The following KHDRBS2 variants were observed in gnomAD, a reference collection of about 807,000 sequenced individuals.
KHDRBS2 encodes KH RNA binding domain containing, signal transduction associated 2.
Under a neutral mutation model 44.3 loss-of-function variants are expected in KHDRBS2, and 26 were observed. That is an observed-to-expected ratio of 0.59 (90% CI 0.43 to 0.81). The LOEUF is 0.81. Ranked by LOEUF, KHDRBS2 falls within the 40% of genes least tolerant of loss-of-function variation. The pLI, the probability that KHDRBS2 is intolerant of heterozygous loss-of-function variation, is 0.00. For synonymous variants in KHDRBS2, 194 were observed against 151.1 expected (o/e 1.28, Z -2.08); for missense variants, 476 against 433.1 (o/e 1.10, Z -0.88).
the KHDRBS2 span, among the ~76,000 whole-genome samples, chr6:61,671,151 G>T: frequency 6.6e-6 from 1 of 151,658 alleles, no homozygotes; most frequent in African/African-American, 2.4e-5. Context: ...TGAGACAGAA[G>T]AGAGGGAAAA....
intron 1 of KHDRBS2, among the ~76,000 whole-genome samples, chr6:62,206,391 T>A (rs1366159054): frequency 6.6e-6 from 1 of 152,086 alleles, no homozygotes; most frequent in Non-Finnish European, 1.5e-5. Context: ...ATTGATTGAA[T>A]CCATTGATTG....
intron 1 of KHDRBS2, among the ~76,000 whole-genome samples, chr6:62,251,228 C>T (rs999045903): frequency 4.6e-5 from 7 of 151,674 alleles, no homozygotes; most frequent in African/African-American, 1.7e-4. Context: ...AGGAAAAGAA[C>T]ATGCTCTTCC....
chr6:62,050,950 C>G (rs1788887733), intron 2 of KHDRBS2, among the ~76,000 whole-genome samples: 1 of 151,998 alleles, frequency 6.6e-6, no homozygotes, highest in Non-Finnish European at 1.5e-5. Flanking sequence ...AGAAACTAGC[C>G]ACTGATTGAC....
In KHDRBS2 at chr6:61,737,662, G is replaced by A. The variant is rs1360283752; in HGVS notation, c.811-4898C>T. On this transcript the variant is annotated intron_variant, in intron 6 of 8. Coordinates refer to ENST00000281156, the MANE Select transcript of KHDRBS2 (RefSeq NM_152688.4). ...CTGAAGAAGTGAGAAAAAAGCAAGAGTGTTCTAGCAGCTAGGGTAGGGAGA... is the reference window on the plus strand; with the variant it reads ...CTGAAGAAGTGAGAAAAAAGCAAGAATGTTCTAGCAGCTAGGGTAGGGAGA... 2.0e-5 allele frequency among the ~76,000 whole-genome samples: 3 copies of A among 151,988 alleles called. No individual in the cohort carries two copies. The East Asian group carries it at 5.8e-4, about 29-fold the overall frequency.
chr6:62,063,616 G>C (rs1165061282), intron 2 of KHDRBS2, among the ~76,000 whole-genome samples: 2 of 151,058 alleles, frequency 1.3e-5, no homozygotes, highest in African/African-American at 4.9e-5. Context: ...ATTAGGTATT[G>C]ATGGGATGTA....
intron 7 of KHDRBS2, among the ~76,000 whole-genome samples, chr6:61,706,557 T>C (rs1769596115): frequency 6.6e-6 from 1 of 151,774 alleles, no homozygotes; most frequent in Non-Finnish European, 1.5e-5. Context: ...TCTCTTTTAC[T>C]ACTTCTCATG....
intron 1 of KHDRBS2, among the ~76,000 whole-genome samples, chr6:62,255,150 C>G (rs1837156378): frequency 6.6e-6 from 1 of 151,934 alleles, no homozygotes; most frequent in Non-Finnish European, 1.5e-5. Context: ...ACAAATAGAT[C>G]ATCTTCCCAA....
chr6:62,246,124 A>ATATATATC (rs1554500942), intron 1 of KHDRBS2, among the ~76,000 whole-genome samples: 18 of 145,300 alleles, frequency 1.2e-4, no homozygotes, highest in African/African-American at 4.5e-4. Context: ...ATATATATAT[A>ATATATATC]TATATATATA....
At chr6:61,777,325 CAA>C (rs1782233432) in intron 6 of KHDRBS2, among the ~76,000 whole-genome samples, 2 of 151,888 alleles carry the variant, frequency 1.3e-5, no homozygotes, top group South Asian at 4.2e-4. Flanking sequence ...CTGGGTCTAA[CAA>C]AATACAAATT....
intron 2 of KHDRBS2, among the ~76,000 whole-genome samples, chr6:62,113,791 C>T (rs1805575679): frequency 6.6e-6 from 1 of 152,046 alleles, no homozygotes; most frequent in South Asian, 2.1e-4. Context: ...AAATCTCAAA[C>T]TCTAACATTA....
At chr6:61,891,982 G>T (rs1021904579) in intron 6 of KHDRBS2, among the ~76,000 whole-genome samples, 6 of 152,162 alleles carry the variant, frequency 3.9e-5, no homozygotes, top group African/African-American at 1.4e-4. Context: ...CAGATGACAT[G>T]ATTGTATATC....
intron 2 of KHDRBS2, among the ~76,000 whole-genome samples, chr6:62,171,596 C>T (rs1374073748): frequency 2.0e-5 from 3 of 152,004 alleles, no homozygotes; most frequent in Non-Finnish European, 4.4e-5. Flanking sequence ...CTGTAAGATA[C>T]TATAGAAGAT....
chr6:61,731,339 G>C (rs1046737810), intron 7 of KHDRBS2, among the ~76,000 whole-genome samples: 1 of 152,000 alleles, frequency 6.6e-6, no homozygotes, highest in African/African-American at 2.4e-5. Flanking sequence ...GCTCATGATG[G>C]CTTCTCTATT....
intron 4 of KHDRBS2, among the ~76,000 whole-genome samples, chr6:61,959,329 A>C (rs1164876887): frequency 6.6e-6 from 1 of 152,178 alleles, no homozygotes; most frequent in African/African-American, 2.4e-5. Flanking sequence ...AGAAGAAATT[A>C]AATGGAACAA....
intron 2 of KHDRBS2, among the ~76,000 whole-genome samples, chr6:62,060,072 G>T (rs1416978345): frequency 1.3e-5 from 2 of 151,778 alleles, no homozygotes; most frequent in Non-Finnish European, 2.9e-5. Context: ...GTTGGGGCGG[G>T]GACAGGAGAG....
At chr6:62,078,299 T>C (rs1268221769) in intron 2 of KHDRBS2, among the ~76,000 whole-genome samples, 3 of 152,026 alleles carry the variant, frequency 2.0e-5, no homozygotes, top group Admixed American at 6.6e-5. Context: ...TGCTATAAAA[T>C]AATTGTGGGT....
At chr6:61,890,862 TAAG>T (rs1315949902) in intron 6 of KHDRBS2, among the ~76,000 whole-genome samples, 4 of 152,210 alleles carry the variant, frequency 2.6e-5, no homozygotes, top group African/African-American at 7.2e-5. Context: ...TAAGATTGTC[TAAG>T]GTTTTAAATA....
At chr6:61,973,872 G>A (rs1445424259) in intron 4 of KHDRBS2, among the ~76,000 whole-genome samples, 1 of 152,254 alleles carries the variant, frequency 6.6e-6, no homozygotes, top group East Asian at 1.9e-4. Flanking sequence ...ATGGGCCAAG[G>A]TAGAAAAGAG....
intron 2 of KHDRBS2, among the ~76,000 whole-genome samples, chr6:62,106,193 T>A (rs1803241794): frequency 6.6e-6 from 1 of 152,140 alleles, no homozygotes. Flanking sequence ...GAGCTTTACT[T>A]GCAACTATGT....
Sources: gnomAD v4.1 joint callset for allele counts (sites outside exome capture counted in the v4.1 genomes callset) on GRCh38, gnomAD v4.1.1 for gene constraint, MANE v1.5 for transcripts, NCBI Gene and HGNC (gene_info 2026-07-23, HGNC 2026-07-21) for gene names.